The following TTC8 variants were observed in gnomAD, a reference collection of about 807,000 sequenced individuals.
The protein encoded by TTC8 is tetratricopeptide repeat protein 8.
A neutral mutation model predicts 72.5 loss-of-function variants in TTC8; 47 were observed. That is an observed-to-expected ratio of 0.65 (90% confidence interval 0.51 to 0.83). The LOEUF (loss-of-function observed/expected upper bound fraction) is 0.83. TTC8 is among the 40% of genes least tolerant of loss of function. The pLI, the probability that TTC8 is intolerant of heterozygous loss-of-function variation, is 0.00. For synonymous variants in TTC8, 199 were observed against 221.4 expected (o/e 0.90, Z 0.90); for missense variants, 611 against 623.2 (o/e 0.98, Z 0.21).
downstream of TTC8, chr14:88,879,083 C>A (rs991740293): frequency 1.3e-5 from 2 of 151,950 alleles, no homozygotes; most frequent in Admixed American, 1.3e-4. Flanking sequence ...GGAATATTAA[C>A]ACAGCAAAAA....
intron 6 of TTC8, among the ~76,000 whole-genome samples, chr14:88,843,347 A>T (rs990277738): frequency 2.0e-5 from 3 of 152,354 alleles, no homozygotes; most frequent in Non-Finnish European, 4.4e-5. Flanking sequence ...TCATAGAGTT[A>T]CTATGAATAC....
At chr14:88,833,660 A>G in intron 1 of TTC8, 33 bp from the exon 2 acceptor site, 1 of 1,608,260 alleles carries the variant, frequency 6.2e-7, no homozygotes, top group Non-Finnish European at 8.5e-7. Context: ...TGTATTTCTT[A>G]AAACTGTTTA....
chr14:88,879,601 A>G (rs2094967452), downstream of TTC8: 3 of 151,762 alleles, frequency 2.0e-5, no homozygotes, highest in Admixed American at 1.3e-4. Context: ...CTATCAGGAT[A>G]CAATTTATGG....
chr14:88,849,540 G>A (rs2094823914), intron 7 of TTC8, among the ~76,000 whole-genome samples: 1 of 152,018 alleles, frequency 6.6e-6, no homozygotes, highest in African/African-American at 2.4e-5. Context: ...ACAAATATAA[G>A]AAATACCTTG....
At chr14:88,854,475 A>G (rs2141002361) in intron 8 of TTC8, among the ~76,000 whole-genome samples, 1 of 152,354 alleles carries the variant, frequency 6.6e-6, no homozygotes, top group South Asian at 2.1e-4. Flanking sequence ...AATGGTTTAC[A>G]ATAGAATGGA....
At chr14:88,859,863 TAATATA>T (rs923708780) in intron 9 of TTC8, among the ~76,000 whole-genome samples, 1 of 143,484 alleles carries the variant, frequency 7.0e-6, no homozygotes, top group African/African-American at 2.6e-5. Flanking sequence ...TAATCATATA[TAATATA>T]AATATATTAT....
At chr14:88,876,781 C>G (rs961045159) in intron 14 of TTC8, among the ~76,000 whole-genome samples, 1 of 152,142 alleles carries the variant, frequency 6.6e-6, no homozygotes, top group Non-Finnish European at 1.5e-5. Flanking sequence ...TAAAACCTCT[C>G]AAAACATGTT....
chr14:88,851,011 C>T (rs1354328647), intron 7 of TTC8, among the ~76,000 whole-genome samples: 1 of 152,122 alleles, frequency 6.6e-6, no homozygotes, highest in Non-Finnish European at 1.5e-5. Flanking sequence ...TTTAGGGATT[C>T]TTTAGTTGGC....
intron 1 of TTC8, 151 bp downstream of exon 1, chr14:88,824,972 G>A (rs2094692208): frequency 6.8e-6 from 5 of 740,366 alleles, no homozygotes; most frequent in African/African-American, 3.5e-5. Context: ...GAGACCTTGT[G>A]GAGCTGTGAC....
intron 7 of TTC8, among the ~76,000 whole-genome samples, chr14:88,849,166 A>G (rs1198777599): frequency 2.0e-5 from 3 of 152,118 alleles, no homozygotes; most frequent in Non-Finnish European, 4.4e-5. Flanking sequence ...TGGGTTGTAT[A>G]TATTGGTACT....
At chr14:88,864,620 G>A (rs1207724100) in intron 10 of TTC8, among the ~76,000 whole-genome samples, 1 of 152,162 alleles carries the variant, frequency 6.6e-6, no homozygotes, top group African/African-American at 2.4e-5. Flanking sequence ...TAAGTTGACT[G>A]TACACTTGAA....
At chr14:88,824,860 T>A in intron 1 of TTC8, 39 bp downstream of exon 1, 2 of 1,547,348 alleles carry the variant, frequency 1.3e-6, no homozygotes, top group Non-Finnish European at 1.8e-6. Context: ...ATCCTGACGC[T>A]GAGGCTGCGG....
intron 1 of TTC8, among the ~76,000 whole-genome samples, chr14:88,832,377 C>T (rs999744989): frequency 1.3e-5 from 2 of 152,182 alleles, no homozygotes; most frequent in African/African-American, 2.4e-5. Context: ...CTACAATCAC[C>T]TCTAGTAAAC....
At chr14:88,838,363 T>C (rs2094762911) in intron 2 of TTC8, among the ~76,000 whole-genome samples, 1 of 152,190 alleles carries the variant, frequency 6.6e-6, no homozygotes, top group African/African-American at 2.4e-5. Context: ...ATATATATAC[T>C]GAATGCATCT....
intron 10 of TTC8, among the ~76,000 whole-genome samples, chr14:88,864,307 G>A (rs1245930225): frequency 6.6e-6 from 1 of 152,196 alleles, no homozygotes; most frequent in African/African-American, 2.4e-5. Flanking sequence ...TCTAAATTGA[G>A]TATGAATAAA....
intron 1 of TTC8, among the ~76,000 whole-genome samples, chr14:88,826,014 G>T (rs565384733): frequency 6.6e-6 from 1 of 150,564 alleles, no homozygotes; most frequent in African/African-American, 2.4e-5. Context: ...ACGGAGTCTC[G>T]CTCTGTCGCC....
chr14:88,836,845 A>C (rs969271368), intron 2 of TTC8: 2 of 156,820 alleles, frequency 1.3e-5, no homozygotes, highest in African/African-American at 4.8e-5. Context: ...GGATCACCTG[A>C]GGTCAGGAGT....
At chr14:88,868,141 G>A (rs940791631) in intron 10 of TTC8, among the ~76,000 whole-genome samples, 6 of 152,130 alleles carry the variant, frequency 3.9e-5, no homozygotes, top group African/African-American at 9.7e-5. Flanking sequence ...CAACCTTCTC[G>A]CTCTGGGTTA....
upstream of TTC8, chr14:88,824,471 G>T: frequency 1.9e-6 from 1 of 537,098 alleles, no homozygotes; most frequent in Non-Finnish European, 3.3e-6. Flanking sequence ...CAAAATCAAT[G>T]AAACCTGTAG....
Sources: allele counts gnomAD v4.1 joint callset (sites outside exome capture counted in the v4.1 genomes callset), GRCh38; gene constraint gnomAD v4.1.1; transcripts MANE v1.5; gene names NCBI Gene and HGNC (gene_info 2026-07-23, HGNC 2026-07-21).